The following RXFP1 variants were observed in gnomAD, a reference collection of about 807,000 sequenced individuals.
RXFP1 encodes the protein relaxin receptor 1.
In RXFP1, 73 loss-of-function variants were observed where a neutral mutation model predicts 89.8. That is an observed-to-expected ratio of 0.81 (90% CI 0.67 to 0.99). The LOEUF (loss-of-function observed/expected upper bound fraction) is 0.99. Among genes scored for constraint, RXFP1 ranks in the 50% least tolerant of loss-of-function variants. The probability of loss-of-function intolerance (pLI) is 0.00; values close to 1 mark genes in which losing one functional copy is unlikely to be tolerated. For missense variants in RXFP1, 793 were observed against 895.5 expected (o/e 0.89, Z 1.46); for synonymous variants, 277 against 305.5 (o/e 0.91, Z 0.97).
chr4:158,572,184 C>G (rs1412149525), intron 1 of RXFP1, among the ~76,000 whole-genome samples: 1 of 152,282 alleles, frequency 6.6e-6, no homozygotes, highest in East Asian at 1.9e-4. Context: ...AACTTTTTCT[C>G]TCTTCTTTTT....
intron 12 of RXFP1, among the ~76,000 whole-genome samples, chr4:158,634,908 G>C (rs568885376): frequency 2.6e-5 from 4 of 152,260 alleles, no homozygotes; most frequent in Non-Finnish European, 4.4e-5. Flanking sequence ...ATTTCAGCCA[G>C]TACCACACTG....
In RXFP1 at chr4:158,638,223, T is replaced by C. The variant is rs967551802; in HGVS notation, c.1043+144T>C. The C allele has an allele frequency of 5.6e-6, 3 of 537,298 alleles. No homozygotes were observed. The African/African-American group carries it at 5.9e-5, about 11-fold the overall frequency. The allele number at this position is 537,298 out of a possible 1,614,324, so 33.3% of individuals were successfully genotyped here. A position where few individuals can be genotyped will look rare whatever the true frequency, so the allele number is the denominator to read the frequency against. On this transcript the variant is annotated intron_variant, in intron 13 of 17. Transcript: ENST00000307765. ...TCCACAAAAACATATGGGTGCTTGCTGAACTATAAACAGACAACTATTAGT... is the reference window on the plus strand; with the variant it reads ...TCCACAAAAACATATGGGTGCTTGCCGAACTATAAACAGACAACTATTAGT...
chr4:158,650,385 C>T (rs889993012), intron 17 of RXFP1, among the ~76,000 whole-genome samples: 24 of 150,406 alleles, frequency 1.6e-4, no homozygotes, highest in African/African-American at 5.9e-4. Flanking sequence ...TTATGTTATG[C>T]ATATTTTACC....
chr4:158,583,341 C>A (rs1310780060), intron 2 of RXFP1, among the ~76,000 whole-genome samples: 1 of 152,206 alleles, frequency 6.6e-6, no homozygotes, highest in Non-Finnish European at 1.5e-5. Flanking sequence ...AGAATGATGG[C>A]AATGCCAGGT....
intron 1 of RXFP1, among the ~76,000 whole-genome samples, chr4:158,526,049 C>T (rs1311031195): frequency 6.6e-6 from 1 of 152,250 alleles, no homozygotes; most frequent in Non-Finnish European, 1.5e-5. Context: ...CCCAAGGTCT[C>T]AGAGCTGGTA....
At chr4:158,552,229 C>G (rs911544463) in intron 1 of RXFP1, among the ~76,000 whole-genome samples, 1 of 152,156 alleles carries the variant, frequency 6.6e-6, no homozygotes, top group African/African-American at 2.4e-5. Flanking sequence ...ATAAAACTGA[C>G]TGTTACCACA....
intron 1 of RXFP1, among the ~76,000 whole-genome samples, chr4:158,552,140 T>C (rs1413039309): frequency 1.3e-5 from 2 of 152,136 alleles, no homozygotes; most frequent in Non-Finnish European, 2.9e-5. Flanking sequence ...AGGTGTGAAA[T>C]GGAAATGCTG....
intron 2 of RXFP1, among the ~76,000 whole-genome samples, chr4:158,573,647 G>C (rs992882160): frequency 2.0e-5 from 3 of 152,152 alleles, no homozygotes; most frequent in African/African-American, 7.2e-5. Flanking sequence ...AGGTGTTAGA[G>C]GCAGAATACG....
intron 2 of RXFP1, among the ~76,000 whole-genome samples, chr4:158,578,512 T>C (rs530782836): frequency 7.2e-5 from 11 of 152,234 alleles, no homozygotes; most frequent in Non-Finnish European, 1.6e-4. Context: ...GCAAGCTCAG[T>C]AGTAAAAATG....
intron 2 of RXFP1, among the ~76,000 whole-genome samples, chr4:158,578,635 T>A (rs1254457165): frequency 6.6e-6 from 1 of 152,184 alleles, no homozygotes; most frequent in Non-Finnish European, 1.5e-5. Context: ...GCATTCCTTC[T>A]GTGTTATAAA....
Position 158,522,467 on chromosome 4 carries a change from A to G in RXFP1, c.49+442A>G, listed in dbSNP as rs550676679. On this transcript the variant is annotated intron_variant, in intron 1 of 17. Transcript: ENST00000307765. ...CATAGGTGTGCTTCTGGGCAGGGAG[A>G]TGCATTCATAAAACTCTTTTTATTT... Among the ~76,000 whole-genome samples, 4 of 152,232 alleles carry G rather than the reference A, an allele frequency of 2.6e-5. No individual in the cohort carries two copies. In the East Asian group the frequency reaches 7.7e-4, roughly 29 times the overall value.
At chr4:158,616,112 A>G (rs1050672221) in intron 8 of RXFP1, among the ~76,000 whole-genome samples, 3 of 152,222 alleles carry the variant, frequency 2.0e-5, no homozygotes, top group South Asian at 2.1e-4. Flanking sequence ...GCAAAGTGCA[A>G]TAAAGCAAAA....
chr4:158,526,436 A>G (rs960319738), intron 1 of RXFP1, among the ~76,000 whole-genome samples: 1 of 152,136 alleles, frequency 6.6e-6, no homozygotes, highest in African/African-American at 2.4e-5. Context: ...AGCTTCATCT[A>G]TTTCTGTGAT....
In RXFP1 at chr4:158,652,932, A is replaced by C. The variant is rs1172204314; in HGVS notation, c.*877A>C. The C allele has an allele frequency of 6.6e-6, 1 of 152,214 alleles. No homozygotes were observed. Among genetic ancestry groups the C allele is most frequent in the Non-Finnish European group, 1.5e-5 (1 of 68,036 alleles). 9.4% of individuals were successfully genotyped at this position (152,214 alleles called of 1,614,324 possible). A position where few individuals can be genotyped will look rare whatever the true frequency, so the allele number is the denominator to read the frequency against. On this transcript the variant is annotated 3_prime_UTR_variant, in exon 18 of 18. Transcript: ENST00000307765. The stretch of plus-strand genomic sequence containing the variant: ...CCGTGCTGTTTTAAGAACAGACCTA[A>C]GTGGTTTAATTCACCCACTTTAGAT...
intron 1 of RXFP1, among the ~76,000 whole-genome samples, chr4:158,549,840 T>G (rs1413757020): frequency 2.0e-5 from 3 of 152,218 alleles, no homozygotes; most frequent in Non-Finnish European, 4.4e-5. Flanking sequence ...CCCGGCCGTG[T>G]GAGGTGTCAG....
At chr4:158,567,630 A>G (rs967464171) in intron 1 of RXFP1, among the ~76,000 whole-genome samples, 2 of 151,834 alleles carry the variant, frequency 1.3e-5, no homozygotes, top group African/African-American at 4.8e-5. Context: ...ACCAATCAGC[A>G]CTCTGTGTCT....
chr4:158,603,889 CAATAATAATAAT>C lies in RXFP1; in HGVS notation c.393-1150_393-1139del, dbSNP rs10617905. ...TGGGCCACAGAGTAAGACTCCATCTCAATAATAATAATAATAATAATAATAATAATAATAATA... is the reference window on the plus strand; with the variant it reads ...TGGGCCACAGAGTAAGACTCCATCTCAATAATAATAATAATAATAATAATA... On this transcript the variant is annotated intron_variant, in intron 4 of 17. Coordinates refer to ENST00000307765, the MANE Select transcript of RXFP1 (RefSeq NM_021634.4). Among the ~76,000 whole-genome samples, 379 of 141,104 alleles carry C rather than the reference CAATAATAATAAT, an allele frequency of 2.7e-3. 1 individual carries two copies. Among genetic ancestry groups the C allele is most frequent in the Middle Eastern group, 0.011 (3 of 274 alleles). 92.6% of individuals were successfully genotyped at this position (141,104 alleles called of 152,430 possible).
At chr4:158,564,507 T>A (rs1157695284) in intron 1 of RXFP1, among the ~76,000 whole-genome samples, 2 of 152,176 alleles carry the variant, frequency 1.3e-5, no homozygotes, top group Admixed American at 6.5e-5. Context: ...CTTTTCATCC[T>A]CCAAGCCAGA....
At chr4:158,612,659 G>A (rs1763788846) in intron 8 of RXFP1, among the ~76,000 whole-genome samples, 1 of 149,204 alleles carries the variant, frequency 6.7e-6, no homozygotes, top group South Asian at 2.1e-4. Context: ...CGCCCAGGCT[G>A]GAGTGCAGTG....
Sources: gnomAD v4.1 joint callset for allele counts (sites outside exome capture counted in the v4.1 genomes callset) on GRCh38, gnomAD v4.1.1 for gene constraint, MANE v1.5 for transcripts, NCBI Gene and HGNC (gene_info 2026-07-23, HGNC 2026-07-21) for gene names.